The following SLC22A3 variants were observed in gnomAD, a reference collection of about 807,000 sequenced individuals.
SLC22A3 encodes the protein solute carrier family 22 member 3, also known as EMT organic cation transporter 3.
A neutral mutation model predicts 59.1 loss-of-function variants in SLC22A3; 51 were observed. The ratio of observed to expected loss-of-function variants is 0.86; its 90% CI spans 0.69 to 1.09. The LOEUF (loss-of-function observed/expected upper bound fraction) is 1.09. SLC22A3 is among the 50% of genes least tolerant of loss of function. The pLI, the probability that SLC22A3 is intolerant of heterozygous loss-of-function variation, is 0.00. For missense variants in SLC22A3, 711 were observed against 726.3 expected (o/e 0.98, Z 0.24); for synonymous variants, 325 against 292.0 (o/e 1.11, Z -1.15).
At chr6:160,431,252 T>C (rs888604031) in intron 5 of SLC22A3, among the ~76,000 whole-genome samples, 3 of 147,082 alleles carry the variant, frequency 2.0e-5, no homozygotes, top group Admixed American at 1.3e-4. Flanking sequence ...AGCACAGATA[T>C]AGAGCTAGAA....
intron 1 of SLC22A3, among the ~76,000 whole-genome samples, chr6:160,373,805 G>A (rs950398675): frequency 1.3e-5 from 2 of 152,128 alleles, no homozygotes; most frequent in Non-Finnish European, 2.9e-5. Flanking sequence ...TTGTTTACAC[G>A]GTGAGGGGGA....
intron 5 of SLC22A3, among the ~76,000 whole-genome samples, chr6:160,435,827 A>T (rs750010184): frequency 1.6e-4 from 25 of 152,326 alleles, no homozygotes; most frequent in Admixed American, 3.9e-4. Context: ...TGACCAGGGC[A>T]CTTGACTTCT....
intron 2 of SLC22A3, among the ~76,000 whole-genome samples, chr6:160,400,984 G>GAAAAAAA (rs58532600): frequency 5.1e-5 from 4 of 78,558 alleles, no homozygotes; most frequent in African/African-American, 1.1e-4. Flanking sequence ...CTCCAAAACT[G>GAAAAAAA]AAAAAAAAAA....
chr6:160,389,405 G>A (rs1014927077), intron 1 of SLC22A3, among the ~76,000 whole-genome samples: 5 of 152,142 alleles, frequency 3.3e-5, no homozygotes, highest in African/African-American at 1.2e-4. Flanking sequence ...GTGGCCATGT[G>A]GGAGGCCACG....
chr6:160,365,185 T>A (rs1785163353), intron 1 of SLC22A3, among the ~76,000 whole-genome samples: 1 of 152,194 alleles, frequency 6.6e-6, no homozygotes, highest in South Asian at 2.1e-4. Context: ...ACATTCCAGG[T>A]GTTTTTAAAT....
chr6:160,418,091 G>C (rs577419374), intron 5 of SLC22A3, among the ~76,000 whole-genome samples: 1 of 152,206 alleles, frequency 6.6e-6, no homozygotes, highest in African/African-American at 2.4e-5. Context: ...GTTTCTGGGC[G>C]TGTCTAGGAG....
At chr6:160,449,741 A>G (rs981483043) in intron 10 of SLC22A3, among the ~76,000 whole-genome samples, 8 of 152,204 alleles carry the variant, frequency 5.3e-5, no homozygotes, top group African/African-American at 1.9e-4. Context: ...TATTTTCCAT[A>G]AGTGTTGGCC....
intron 1 of SLC22A3, among the ~76,000 whole-genome samples, chr6:160,363,451 G>A (rs1031531228): frequency 1.3e-5 from 2 of 152,190 alleles, no homozygotes; most frequent in Admixed American, 1.3e-4. Flanking sequence ...TCACAAGAGC[G>A]GGGCCCTCCT....
At chr6:160,403,147 A>G (rs1028662725) in intron 2 of SLC22A3, among the ~76,000 whole-genome samples, 2 of 151,406 alleles carry the variant, frequency 1.3e-5, no homozygotes, top group African/African-American at 4.8e-5. Flanking sequence ...TCAGACTAAG[A>G]AAAAAGAAAG....
intron 5 of SLC22A3, among the ~76,000 whole-genome samples, chr6:160,419,745 A>C (rs1039460468): frequency 3.9e-5 from 6 of 152,196 alleles, no homozygotes; most frequent in Non-Finnish European, 7.3e-5. Flanking sequence ...GACTCATAAA[A>C]ATGGTAACTG....
At chr6:160,381,201 G>A (rs1767151193) in intron 1 of SLC22A3, among the ~76,000 whole-genome samples, 1 of 152,162 alleles carries the variant, frequency 6.6e-6, no homozygotes, top group African/African-American at 2.4e-5. Context: ...ACATGTAGGA[G>A]CTGTTCTTAT....
chr6:160,402,127 T>G (rs572462736), intron 2 of SLC22A3, among the ~76,000 whole-genome samples: 1 of 151,960 alleles, frequency 6.6e-6, no homozygotes, highest in African/African-American at 2.4e-5. Flanking sequence ...CAACCATATA[T>G]GTTGTCTACA....
intron 5 of SLC22A3, among the ~76,000 whole-genome samples, chr6:160,427,124 C>T (rs1000738465): frequency 1.3e-5 from 2 of 152,036 alleles, no homozygotes; most frequent in Admixed American, 6.6e-5. Context: ...AGACAAAGCA[C>T]CCTGAGCAAG....
At chr6:160,378,411 T>A (rs1425808517) in intron 1 of SLC22A3, among the ~76,000 whole-genome samples, 2 of 152,194 alleles carry the variant, frequency 1.3e-5, no homozygotes, top group Non-Finnish European at 2.9e-5. Context: ...TTTGGCAAGC[T>A]TTAAAAGGTA....
chr6:160,418,786 C>T (rs1293043083), intron 5 of SLC22A3, among the ~76,000 whole-genome samples: 1 of 152,194 alleles, frequency 6.6e-6, no homozygotes, highest in African/African-American at 2.4e-5. Flanking sequence ...TAGTAGGTTA[C>T]AGTTCTAGCT....
intron 5 of SLC22A3, among the ~76,000 whole-genome samples, chr6:160,436,086 A>G (rs1484954592): frequency 6.6e-6 from 1 of 152,204 alleles, no homozygotes; most frequent in Non-Finnish European, 1.5e-5. Context: ...ATGCAGAGGT[A>G]AGAGACTGAC....
intron 1 of SLC22A3, among the ~76,000 whole-genome samples, chr6:160,389,578 T>C (rs1305230238): frequency 2.0e-5 from 3 of 152,218 alleles, no homozygotes; most frequent in Non-Finnish European, 4.4e-5. Flanking sequence ...TCCACTTGAC[T>C]CTGTGACACG....
At chr6:160,376,545 T>C (rs1387276698) in intron 1 of SLC22A3, among the ~76,000 whole-genome samples, 1 of 152,186 alleles carries the variant, frequency 6.6e-6, no homozygotes, top group Non-Finnish European at 1.5e-5. Flanking sequence ...AAGTGAATTT[T>C]AGCCACTAGA....
chr6:160,386,162 C>T (rs1007414926), intron 1 of SLC22A3, among the ~76,000 whole-genome samples: 1 of 152,234 alleles, frequency 6.6e-6, no homozygotes, highest in South Asian at 2.1e-4. Context: ...CATGAAGGAG[C>T]CTCTTGGGGT....
Sources: allele counts gnomAD v4.1 joint callset (sites outside exome capture counted in the v4.1 genomes callset), GRCh38; gene constraint gnomAD v4.1.1; transcripts MANE v1.5; gene names NCBI Gene and HGNC (gene_info 2026-07-23, HGNC 2026-07-21).